The following CSMD3 variants were observed in gnomAD, a reference collection of about 807,000 sequenced individuals.
The protein encoded by CSMD3 is CUB and sushi domain-containing protein 3.
A neutral mutation model predicts 435.2 loss-of-function variants in CSMD3; 177 were observed. That is an observed-to-expected ratio of 0.41 (90% CI 0.36 to 0.46). The LOEUF (loss-of-function observed/expected upper bound fraction) is 0.46. CSMD3 is among the 20% of genes least tolerant of loss of function. CSMD3 has a pLI of 0.34. For synonymous variants in CSMD3, 1,656 were observed against 1,520.5 expected (o/e 1.09, Z -2.07); for missense variants, 4,265 against 4,504.6 (o/e 0.95, Z 1.52).
chr8:113,362,793 C>T (rs536629342), intron 1 of CSMD3, among the ~76,000 whole-genome samples: 3 of 152,228 alleles, frequency 2.0e-5, no homozygotes, highest in East Asian at 3.9e-4. Flanking sequence ...GAAGAAGAAA[C>T]TGGATTTTCA....
Position 113,290,455 on chromosome 8 carries a change from C to A in CSMD3, c.402-11751G>T, listed in dbSNP as rs200186576. Reference sequence around the variant, plus strand: ...ACTGAGAATATAACAATTACTCTTACAAGATACATATAGCCATTAATTGTT... The same window carrying A: ...ACTGAGAATATAACAATTACTCTTAAAAGATACATATAGCCATTAATTGTT... On this transcript the variant is annotated intron_variant, in intron 2 of 70. Transcript: ENST00000297405. 1.1e-4 allele frequency among the ~76,000 whole-genome samples: 17 copies of A among 151,734 alleles called. 1 individual carries two copies. The East Asian group carries it at 3.1e-3, about 28-fold the overall frequency.
chr8:112,554,068 G>T (rs139378533), intron 25 of CSMD3, among the ~76,000 whole-genome samples: 1 of 152,058 alleles, frequency 6.6e-6, no homozygotes, highest in East Asian at 1.9e-4. Context: ...AGCAACTCCT[G>T]CCTCAGTTTC....
intron 4 of CSMD3, among the ~76,000 whole-genome samples, chr8:113,119,776 T>G (rs2090934464): frequency 6.6e-6 from 1 of 152,130 alleles, no homozygotes; most frequent in African/African-American, 2.4e-5. Context: ...CAACATTTCT[T>G]ACTGGGTAAA....
At chr8:112,511,913 C>T (rs909824785) in intron 28 of CSMD3, among the ~76,000 whole-genome samples, 3 of 152,120 alleles carry the variant, frequency 2.0e-5, no homozygotes, top group African/African-American at 7.2e-5. Context: ...GATTCCATCT[C>T]AACAAATCAC....
At chr8:112,460,601 T>C (rs1158780824) in intron 32 of CSMD3, among the ~76,000 whole-genome samples, 2 of 152,152 alleles carry the variant, frequency 1.3e-5, no homozygotes, top group African/African-American at 4.8e-5. Context: ...ATTTATGTTA[T>C]CTACCATTGA....
At chr8:112,452,695 C>T (rs750230516) in intron 32 of CSMD3, among the ~76,000 whole-genome samples, 23 of 152,138 alleles carry the variant, frequency 1.5e-4, no homozygotes, top group Non-Finnish European at 2.9e-4. Context: ...TATTTGATTA[C>T]ATCACTCATC....
intron 9 of CSMD3, among the ~76,000 whole-genome samples, chr8:112,938,516 G>T (rs2130751642): frequency 6.6e-6 from 1 of 152,296 alleles, no homozygotes; most frequent in East Asian, 1.9e-4. Context: ...TATAGGTAAA[G>T]ATTGGCAGAA....
intron 9 of CSMD3, among the ~76,000 whole-genome samples, chr8:112,925,973 C>A (rs978845166): frequency 6.6e-6 from 1 of 152,154 alleles, no homozygotes; most frequent in Non-Finnish European, 1.5e-5. Context: ...AATTTCTTCC[C>A]CACTAATGAA....
At chr8:113,292,256 T>G (rs1007455735) in intron 2 of CSMD3, among the ~76,000 whole-genome samples, 1 of 151,856 alleles carries the variant, frequency 6.6e-6, no homozygotes, top group African/African-American at 2.4e-5. Flanking sequence ...ATTTATAAGT[T>G]ATTGAATTTC....
chr8:112,810,206 A>G (rs1381555186), intron 12 of CSMD3, among the ~76,000 whole-genome samples: 1 of 152,186 alleles, frequency 6.6e-6, no homozygotes, highest in Non-Finnish European at 1.5e-5. Context: ...CAACAGTCCA[A>G]TTATTGGCAG....
chr8:113,161,445 A>C (rs1023798746), intron 4 of CSMD3, among the ~76,000 whole-genome samples: 1 of 152,126 alleles, frequency 6.6e-6, no homozygotes, highest in Admixed American at 6.6e-5. Flanking sequence ...AATGTAAAAT[A>C]AGGTCATTTT....
chr8:112,321,773 T>A (rs1339841702), intron 45 of CSMD3, among the ~76,000 whole-genome samples: 1 of 152,106 alleles, frequency 6.6e-6, no homozygotes, highest in Admixed American at 6.6e-5. Context: ...TGTGCGTGGA[T>A]GTTAACTTGC....
At chr8:113,191,523 C>T (rs1469715319) in intron 3 of CSMD3, among the ~76,000 whole-genome samples, 1 of 151,256 alleles carries the variant, frequency 6.6e-6, no homozygotes, top group Non-Finnish European at 1.5e-5. Flanking sequence ...TGTTAATTTG[C>T]TTAGGATAAT....
chr8:112,584,459 A>G lies in CSMD3; in HGVS notation c.3885+2607T>C, dbSNP rs182269685. Among the ~76,000 whole-genome samples, 5 of 151,926 alleles carry G rather than the reference A, an allele frequency of 3.3e-5. No individual in the cohort carries two copies. The East Asian group carries it at 5.8e-4, about 18-fold the overall frequency. ...GAGGAGAGAAGAAAAAAGACAGCAGATAAGTGAGCAAGTGAGTGCCATCCT... is the reference window on the plus strand; with the variant it reads ...GAGGAGAGAAGAAAAAAGACAGCAGGTAAGTGAGCAAGTGAGTGCCATCCT... On this transcript the variant is annotated intron_variant, in intron 23 of 70. Coordinates refer to ENST00000297405, the MANE Select transcript of CSMD3 (RefSeq NM_198123.2).
intron 31 of CSMD3, among the ~76,000 whole-genome samples, chr8:112,481,412 C>G (rs1049464414): frequency 6.6e-6 from 1 of 152,054 alleles, no homozygotes; most frequent in Non-Finnish European, 1.5e-5. Flanking sequence ...AATTTATTAT[C>G]AAATATACTC....
chr8:112,616,098 C>A (rs2131492978), intron 22 of CSMD3, among the ~76,000 whole-genome samples: 1 of 152,186 alleles, frequency 6.6e-6, no homozygotes. Flanking sequence ...CCTGAGTCCT[C>A]ATCTAGGCTT....
chr8:113,327,145 T>C (rs1021471881), intron 1 of CSMD3, among the ~76,000 whole-genome samples: 5 of 152,210 alleles, frequency 3.3e-5, no homozygotes, highest in African/African-American at 1.2e-4. Flanking sequence ...AGTATTTTTC[T>C]GTGATTTTCT....
intron 10 of CSMD3, among the ~76,000 whole-genome samples, chr8:112,891,171 A>G (rs1043680994): frequency 3.3e-5 from 5 of 151,530 alleles, no homozygotes; most frequent in African/African-American, 4.8e-5. Context: ...TAGTCTCACT[A>G]CTCGATGTGT....
intron 5 of CSMD3, among the ~76,000 whole-genome samples, chr8:113,060,355 T>C (rs529458459): frequency 2.0e-3 from 307 of 150,616 alleles, no homozygotes; most frequent in African/African-American, 7.3e-3. Context: ...TAGTATTCCA[T>C]GGTGTATATG....
Sources: allele counts gnomAD v4.1 joint callset (sites outside exome capture counted in the v4.1 genomes callset), GRCh38; gene constraint gnomAD v4.1.1; transcripts MANE v1.5; gene names NCBI Gene and HGNC (gene_info 2026-07-23, HGNC 2026-07-21).